Variants in NFYC observed in about 807,000 individuals in gnomAD.
The protein encoded by NFYC is nuclear transcription factor Y subunit gamma.
Under a neutral mutation model 53.1 loss-of-function variants are expected in NFYC, and 25 were observed. The ratio of observed to expected loss-of-function variants is 0.47; its 90% confidence interval spans 0.34 to 0.66. The LOEUF (loss-of-function observed/expected upper bound fraction) is 0.66. NFYC is among the 30% of genes least tolerant of loss of function. The pLI is 0.01. For missense variants in NFYC, 260 were observed against 422.7 expected (o/e 0.62, Z 3.38); for synonymous variants, 145 against 152.6 (o/e 0.95, Z 0.37).
chr1:40,697,796 G>C (rs1009246972), intron 1 of NFYC, among the ~76,000 whole-genome samples: 5 of 152,142 alleles, frequency 3.3e-5, no homozygotes. Flanking sequence ...AGAAAATTTT[G>C]CTAGGTTGCA....
chr1:40,717,657 T>G (rs1484164187), intron 1 of NFYC, among the ~76,000 whole-genome samples: 1 of 152,230 alleles, frequency 6.6e-6, no homozygotes, highest in Admixed American at 6.5e-5. Context: ...TCACTTGCTT[T>G]AAAGATGTAC....
At chr1:40,703,671 C>G (rs1166163058) in intron 1 of NFYC, among the ~76,000 whole-genome samples, 2 of 151,996 alleles carry the variant, frequency 1.3e-5, no homozygotes, top group African/African-American at 4.8e-5. Context: ...TATCTTTATG[C>G]TTTGGGGATA....
At chr1:40,758,018 C>A in intron 5 of NFYC, 103 bp from the exon 6 acceptor site, 1 of 1,280,702 alleles carries the variant, frequency 7.8e-7, no homozygotes, top group Non-Finnish European at 1.1e-6. Context: ...CAGCATTCAG[C>A]AGGCAACTGC....
intron 2 of NFYC, among the ~76,000 whole-genome samples, chr1:40,740,645 G>C (rs1205049085): frequency 6.6e-6 from 1 of 152,228 alleles, no homozygotes; most frequent in Admixed American, 6.5e-5. Flanking sequence ...AGATATGAAA[G>C]AGAAGGGAGG....
chr1:40,744,266 C>G (rs898451781), intron 2 of NFYC, among the ~76,000 whole-genome samples: 1 of 152,236 alleles, frequency 6.6e-6, no homozygotes, highest in African/African-American at 2.4e-5. Context: ...GAAAAATTGT[C>G]TTGCACAAAA....
chr1:40,753,040 G>GT (rs1439684071), intron 4 of NFYC, 111 bp from the exon 5 acceptor site: 1 of 692,120 alleles, frequency 1.4e-6, no homozygotes, highest in East Asian at 2.7e-5. Flanking sequence ...AGACTTGCCC[G>GT]TAGGTGTTTA....
At chr1:40,702,789 A>G (rs758019789) in intron 1 of NFYC, among the ~76,000 whole-genome samples, 9 of 152,128 alleles carry the variant, frequency 5.9e-5, no homozygotes, top group Non-Finnish European at 1.3e-4. Context: ...CAGAAATTAT[A>G]ATCTGGCAGT....
At chr1:40,758,565 GAAAA>G (rs202205924) in intron 6 of NFYC, 2 of 329,662 alleles carry the variant, frequency 6.1e-6, no homozygotes, top group Non-Finnish European at 1.1e-5. Context: ...TTTTAGAAGG[GAAAA>G]AAAAATGTCT....
chr1:40,763,870 G>T (rs2148782453), intron 7 of NFYC, among the ~76,000 whole-genome samples: 1 of 152,350 alleles, frequency 6.6e-6, no homozygotes, highest in East Asian at 1.9e-4. Context: ...AAGGCCCTGT[G>T]AGGCAGTCCT....
intron 1 of NFYC, among the ~76,000 whole-genome samples, chr1:40,705,355 G>A (rs577566872): frequency 6.6e-6 from 1 of 151,062 alleles, no homozygotes; most frequent in African/African-American, 2.4e-5. Flanking sequence ...GGTGTTCTGG[G>A]GCTAAGAGAA....
chr1:40,713,132 T>TGG (rs1438408796), intron 1 of NFYC, among the ~76,000 whole-genome samples: 1 of 152,198 alleles, frequency 6.6e-6, no homozygotes, highest in Non-Finnish European at 1.5e-5. Flanking sequence ...TGGAAACTCA[T>TGG]GGGGGTTTCT....
chr1:40,715,233 G>A (rs1038887557), intron 1 of NFYC, among the ~76,000 whole-genome samples: 1 of 151,770 alleles, frequency 6.6e-6, no homozygotes, highest in Non-Finnish European at 1.5e-5. Flanking sequence ...GTGAAACCCA[G>A]CCTTTACTAA....
At chr1:40,737,127 CAA>C (rs1161900883) in intron 1 of NFYC, among the ~76,000 whole-genome samples, 41,918 of 88,102 alleles carry the variant, frequency 0.48, 7,359 homozygotes, top group Middle Eastern at 0.56. Flanking sequence ...AACTCTGTCT[CAA>C]AAAAAAAAAA....
chr1:40,749,335 A>C (rs1365812135), intron 3 of NFYC, among the ~76,000 whole-genome samples: 1 of 152,156 alleles, frequency 6.6e-6, no homozygotes, highest in African/African-American at 2.4e-5. Flanking sequence ...GGCTATTATA[A>C]GAGTAAGAAA....
At chr1:40,759,200 G>A (rs1646397524) in intron 6 of NFYC, among the ~76,000 whole-genome samples, 1 of 149,650 alleles carries the variant, frequency 6.7e-6, no homozygotes, top group Non-Finnish European at 1.5e-5. Flanking sequence ...CTGCACTTCA[G>A]CCTGGGCAGC....
At chr1:40,756,948 T>C (rs1294332425) in intron 5 of NFYC, among the ~76,000 whole-genome samples, 1 of 152,164 alleles carries the variant, frequency 6.6e-6, no homozygotes, top group Admixed American at 6.5e-5. Context: ...GGACAGTACT[T>C]TGGAAGCACA....
chr1:40,692,062 C>T (rs1340633713), intron 1 of NFYC, 195 bp downstream of exon 1: 8 of 203,132 alleles, frequency 3.9e-5, no homozygotes, highest in African/African-American at 1.9e-4. Context: ...TCGTGGGGTC[C>T]GTGTGCCTCG....
chr1:40,760,153 CATT>C (rs1187345227), intron 6 of NFYC, among the ~76,000 whole-genome samples: 1 of 152,172 alleles, frequency 6.6e-6, no homozygotes, highest in East Asian at 1.9e-4. Context: ...GATGGGGTCT[CATT>C]ATGTTTCCCA....
intron 1 of NFYC, among the ~76,000 whole-genome samples, chr1:40,714,379 G>C (rs1644045540): frequency 1.3e-5 from 2 of 152,290 alleles, no homozygotes; most frequent in Non-Finnish European, 2.9e-5. Context: ...GTGTATGTTT[G>C]AGTAGTATTT....
Sources: gnomAD v4.1 joint callset for allele counts (sites outside exome capture counted in the v4.1 genomes callset) on GRCh38, gnomAD v4.1.1 for gene constraint, MANE v1.5 for transcripts, NCBI Gene and HGNC (gene_info 2026-07-23, HGNC 2026-07-21) for gene names.